MCC: variants seen among roughly 807,000 people sequenced by gnomAD.
MCC encodes MCC regulator of Wnt signaling pathway.
A neutral mutation model predicts 116.2 loss-of-function variants in MCC; 90 were observed. That is an observed-to-expected ratio of 0.77 (90% CI 0.65 to 0.92). The LOEUF (loss-of-function observed/expected upper bound fraction) is 0.92. Ranked by LOEUF, MCC falls within the 40% of genes least tolerant of loss-of-function variation. The pLI is 0.00. For missense variants in MCC, 1,516 were observed against 1,312.2 expected, an observed-to-expected ratio of 1.16 and a Z score of -2.40; for synonymous variants, 578 against 510.5, an observed-to-expected ratio of 1.13 and a Z score of -1.78.
intron 3 of MCC, among the ~76,000 whole-genome samples, chr5:113,183,719 G>A (rs113933085): frequency 6.6e-6 from 1 of 152,138 alleles, no homozygotes; most frequent in Non-Finnish European, 1.5e-5. Context: ...AGAGCACCAG[G>A]GGCAAATGGG....
intron 3 of MCC, among the ~76,000 whole-genome samples, chr5:113,212,904 T>C (rs1763182644): frequency 1.3e-5 from 2 of 152,272 alleles, no homozygotes; most frequent in East Asian, 3.8e-4. Flanking sequence ...TCCTGCCTAC[T>C]AATACCTTTC....
intron 1 of MCC, among the ~76,000 whole-genome samples, chr5:113,398,402 T>C (rs1769591053): frequency 6.6e-6 from 1 of 152,190 alleles, no homozygotes; most frequent in Non-Finnish European, 1.5e-5. Context: ...CACAGCACTA[T>C]TCACAATAGC....
At chr5:113,096,530 A>G (rs1220793443) in intron 8 of MCC, among the ~76,000 whole-genome samples, 2 of 152,148 alleles carry the variant, frequency 1.3e-5, no homozygotes, top group Non-Finnish European at 2.9e-5. Flanking sequence ...CAAAGCATGT[A>G]AATCAGCTGC....
intron 3 of MCC, among the ~76,000 whole-genome samples, chr5:113,165,353 C>T (rs1760711311): frequency 6.6e-6 from 1 of 152,240 alleles, no homozygotes; most frequent in Admixed American, 6.5e-5. Flanking sequence ...AAAAGCCTCC[C>T]TGTTTCTTCC....
intron 3 of MCC, among the ~76,000 whole-genome samples, chr5:113,237,942 T>G (rs1764193701): frequency 6.6e-6 from 1 of 152,128 alleles, no homozygotes; most frequent in Admixed American, 6.5e-5. Flanking sequence ...TGAGTATGGT[T>G]TGGGGAGCTG....
intron 3 of MCC, among the ~76,000 whole-genome samples, chr5:113,283,661 C>T (rs1347690112): frequency 2.0e-5 from 3 of 152,140 alleles, no homozygotes; most frequent in Non-Finnish European, 4.4e-5. Context: ...CATTATTCCC[C>T]CCGCAAAAAG....
Position 113,438,072 on chromosome 5 carries a change from G to T in MCC, c.170+50173C>A, listed in dbSNP as rs1486261203. On this transcript the variant is annotated intron_variant, in intron 1 of 18. Transcript: ENST00000408903. ...GAACTCTGAGAATCTGGGAAGAAAA[G>T]CAGTTTTCTAATGCAAAATGCATGA... Among the ~76,000 whole-genome samples, 3 of 152,182 alleles carry T rather than the reference G, an allele frequency of 2.0e-5. No homozygotes were observed. The East Asian group carries it at 5.8e-4, about 29-fold the overall frequency.
intron 3 of MCC, among the ~76,000 whole-genome samples, chr5:113,237,544 T>C (rs1029254084): frequency 6.6e-6 from 1 of 152,176 alleles, no homozygotes; most frequent in African/African-American, 2.4e-5. Context: ...CCTAATCTTA[T>C]TTCTGCCAAG....
chr5:113,336,567 A>C (rs1199637900), intron 3 of MCC, among the ~76,000 whole-genome samples: 2 of 148,112 alleles, frequency 1.4e-5, no homozygotes, highest in African/African-American at 5.3e-5. Flanking sequence ...CTACTCTCCT[A>C]TACATCTAGC....
intron 5 of MCC, among the ~76,000 whole-genome samples, chr5:113,136,953 C>T (rs1327719618): frequency 6.6e-6 from 1 of 152,078 alleles, no homozygotes; most frequent in East Asian, 1.9e-4. Flanking sequence ...GAGGAAAGGC[C>T]TTCAGTTTTT....
At chr5:113,189,761 TA>T (rs1762066550) in intron 3 of MCC, among the ~76,000 whole-genome samples, 1 of 152,196 alleles carries the variant, frequency 6.6e-6, no homozygotes, top group African/African-American at 2.4e-5. Context: ...AGGTTAAATT[TA>T]AGGACATGGA....
intron 3 of MCC, among the ~76,000 whole-genome samples, chr5:113,199,512 G>A (rs1005729325): frequency 5.3e-5 from 8 of 152,162 alleles, no homozygotes; most frequent in African/African-American, 1.9e-4. Context: ...TTTCTGGGAG[G>A]AAAGTTTGCT....
intron 5 of MCC, among the ~76,000 whole-genome samples, chr5:113,140,273 A>G (rs1327374498): frequency 6.6e-6 from 1 of 152,210 alleles, no homozygotes; most frequent in Non-Finnish European, 1.5e-5. Flanking sequence ...ATAGTTACAG[A>G]GTCTCCAAGC....
At chr5:113,337,304 C>T (rs1408731673) in intron 3 of MCC, among the ~76,000 whole-genome samples, 1 of 152,208 alleles carries the variant, frequency 6.6e-6, no homozygotes, top group Non-Finnish European at 1.5e-5. Flanking sequence ...CTCAGTGATA[C>T]CTGATGAGTC....
intron 5 of MCC, among the ~76,000 whole-genome samples, chr5:113,128,426 G>C (rs933351615): frequency 6.6e-6 from 1 of 152,114 alleles, no homozygotes; most frequent in Non-Finnish European, 1.5e-5. Flanking sequence ...TTTGTTTTTT[G>C]TTTTAAAGCT....
intron 13 of MCC, among the ~76,000 whole-genome samples, chr5:113,067,737 T>A (rs1753722776): frequency 6.6e-6 from 1 of 152,272 alleles, no homozygotes; most frequent in Non-Finnish European, 1.5e-5. Flanking sequence ...GGCGGCAGCA[T>A]GTGCCTTGAC....
At chr5:113,287,949 G>A (rs1766327142) in intron 3 of MCC, among the ~76,000 whole-genome samples, 1 of 152,242 alleles carries the variant, frequency 6.6e-6, no homozygotes, top group Non-Finnish European at 1.5e-5. Flanking sequence ...CCTGCTTCCA[G>A]GTCTGTGGCC....
chr5:113,028,718 A>C (rs529663808), intron 18 of MCC, among the ~76,000 whole-genome samples: 1 of 152,338 alleles, frequency 6.6e-6, no homozygotes, highest in African/African-American at 2.4e-5. Flanking sequence ...GGATGTTGTT[A>C]CTGAGCATTT....
In MCC at chr5:113,340,472, A is replaced by G. The variant is rs746229613; in HGVS notation, c.627+47T>C. The G allele has an allele frequency of 5.9e-6, 9 of 1,516,858 alleles. 1 individual carries two copies. The South Asian group carries it at 9.0e-5, about 15-fold the overall frequency. The allele number at this position is 1,516,858 out of a possible 1,614,324, so 94.0% of individuals were successfully genotyped here. ...ACAAAATTAAAATATTTGTATTGGA[A>G]TACAGACAGGCCGAAATATGTATTC... On this transcript the variant is annotated intron_variant, in intron 3 of 18. Transcript: ENST00000408903.
Sources: gnomAD v4.1 joint callset for allele counts (sites outside exome capture counted in the v4.1 genomes callset) on GRCh38, gnomAD v4.1.1 for gene constraint, MANE v1.5 for transcripts, NCBI Gene and HGNC (gene_info 2026-07-23, HGNC 2026-07-21) for gene names.